Variants in PACRG observed in about 807,000 individuals in gnomAD.
PACRG encodes parkin coregulated.
PACRG carries 29 observed loss-of-function variants against 29.7 expected under a neutral mutation model. The ratio of observed to expected loss-of-function variants is 0.98; its 90% CI spans 0.73 to 1.33. The LOEUF is 1.33. Among genes scored for constraint, PACRG ranks in the 40% most tolerant of loss-of-function variants. The probability of loss-of-function intolerance (pLI) is 0.00; values close to 1 mark genes in which losing one functional copy is unlikely to be tolerated. For synonymous variants in PACRG, 116 were observed against 118.7 expected (o/e 0.98, Z 0.15); for missense variants, 279 against 316.2 (o/e 0.88, Z 0.89).
At chr6:162,957,510 C>T (rs1361400845) in intron 2 of PACRG, 1 of 388,670 alleles carries the variant, frequency 2.6e-6, no homozygotes. Context: ...TTACAAGGGG[C>T]TCGGGACAGC....
chr6:162,997,904 G>A (rs1421950083), intron 2 of PACRG, among the ~76,000 whole-genome samples: 1 of 152,144 alleles, frequency 6.6e-6, no homozygotes, highest in East Asian at 1.9e-4. Context: ...TTTGTAGTCT[G>A]GATGCTAATT....
intron 4 of PACRG, among the ~76,000 whole-genome samples, chr6:163,283,722 A>AC (rs1784297073): frequency 6.6e-6 from 1 of 150,780 alleles, no homozygotes; most frequent in East Asian, 2.0e-4. Flanking sequence ...AATGGCGTGA[A>AC]CCCGGGAAGC....
chr6:163,208,011 G>T (rs1780978970), intron 4 of PACRG, among the ~76,000 whole-genome samples: 1 of 152,202 alleles, frequency 6.6e-6, no homozygotes, highest in South Asian at 2.1e-4. Flanking sequence ...TATGGAAGTG[G>T]CCTGTTTGGG....
At chr6:163,076,670 C>T (rs1459929970) in intron 3 of PACRG, among the ~76,000 whole-genome samples, 1 of 152,182 alleles carries the variant, frequency 6.6e-6, no homozygotes, top group African/African-American at 2.4e-5. Flanking sequence ...CCGATTGTGC[C>T]GTAGAACTTG....
chr6:162,749,126 G>A (rs1187023023), intron 1 of PACRG, among the ~76,000 whole-genome samples: 1 of 152,194 alleles, frequency 6.6e-6, no homozygotes, highest in Non-Finnish European at 1.5e-5. Context: ...TTGCTGGAAA[G>A]GATTCCATTT....
At chr6:162,957,475 CT>C in intron 2 of PACRG, 1 of 456,566 alleles carries the variant, frequency 2.2e-6, no homozygotes. Context: ...TCCACACCTT[CT>C]TGGGATAAAG....
intron 1 of PACRG, among the ~76,000 whole-genome samples, chr6:162,787,586 A>G (rs71546912): frequency 0.18 from 8,630 of 48,344 alleles, 364 homozygotes; most frequent in Non-Finnish European, 0.26. Context: ...GTGTGTGTAT[A>G]TATATATATA....
At chr6:162,955,284 T>C (rs1211569881) in intron 2 of PACRG, among the ~76,000 whole-genome samples, 1 of 151,988 alleles carries the variant, frequency 6.6e-6, no homozygotes, top group Non-Finnish European at 1.5e-5. Context: ...TTTTTGTTGT[T>C]GTTGTTGTTG....
intron 4 of PACRG, among the ~76,000 whole-genome samples, chr6:163,175,935 A>G (rs897123523): frequency 6.6e-6 from 1 of 152,206 alleles, no homozygotes; most frequent in Non-Finnish European, 1.5e-5. Flanking sequence ...TTCCCAATCT[A>G]AAGCACAGTT....
At chr6:162,944,696 A>G (rs1798873464) in intron 2 of PACRG, among the ~76,000 whole-genome samples, 1 of 152,148 alleles carries the variant, frequency 6.6e-6, no homozygotes, top group African/African-American at 2.4e-5. Context: ...TATGTTTGAA[A>G]GCTTTAACAG....
At chr6:163,123,025 T>A (rs2128325708) in intron 4 of PACRG, among the ~76,000 whole-genome samples, 1 of 151,820 alleles carries the variant, frequency 6.6e-6, no homozygotes, top group South Asian at 2.1e-4. Context: ...GAGCGGAGAG[T>A]TTAACAGGCA....
At chr6:162,884,249 A>AT (rs1397353116) in intron 2 of PACRG, among the ~76,000 whole-genome samples, 2 of 151,934 alleles carry the variant, frequency 1.3e-5, no homozygotes, top group Non-Finnish European at 1.5e-5. Context: ...ACTTTTTGTT[A>AT]TTTTTTTCCC....
chr6:162,747,365 CACATACA>C lies in PACRG; in HGVS notation c.156+18975_156+18981del, dbSNP rs1562556521. Among the ~76,000 whole-genome samples, 5 of 44,638 alleles carry C rather than the reference CACATACA, an allele frequency of 1.1e-4. 1 individual carries two copies. Among genetic ancestry groups the C allele is most frequent in the Admixed American group, 3.8e-4 (1 of 2,650 alleles). 29.3% of individuals were successfully genotyped at this position (44,638 alleles called of 152,430 possible). A position where few individuals can be genotyped will look rare whatever the true frequency, so the allele number is the denominator to read the frequency against. Reference sequence around the variant, plus strand: ...ATATATATATATATATATATATATACACATACATATATATGTATATATATGTATATAT... The same window carrying C: ...ATATATATATATATATATATATATACTATATATGTATATATATGTATATAT... On this transcript the variant is annotated intron_variant, in intron 1 of 4. Coordinates refer to ENST00000366888, the MANE Select transcript of PACRG (RefSeq NM_001080379.2).
At chr6:163,116,248 G>A (rs921819884) in intron 4 of PACRG, among the ~76,000 whole-genome samples, 15 of 152,180 alleles carry the variant, frequency 9.9e-5, no homozygotes, top group African/African-American at 3.1e-4. Flanking sequence ...GTCTTACATG[G>A]TTGGAGCAGG....
intron 2 of PACRG, among the ~76,000 whole-genome samples, chr6:162,922,765 T>C (rs1007476271): frequency 3.9e-5 from 6 of 152,222 alleles, no homozygotes; most frequent in Admixed American, 3.9e-4. Context: ...TTTTTATGGC[T>C]GAATAGTATC....
intron 4 of PACRG, among the ~76,000 whole-genome samples, chr6:163,106,910 A>T (rs749675253): frequency 1.3e-5 from 2 of 152,254 alleles, no homozygotes; most frequent in African/African-American, 2.4e-5. Context: ...AGACTTGCTC[A>T]TTAAACTATG....
intron 2 of PACRG, among the ~76,000 whole-genome samples, chr6:162,974,154 G>A (rs996630218): frequency 4.6e-5 from 7 of 151,958 alleles, no homozygotes; most frequent in Admixed American, 1.3e-4. Context: ...GACGGGGCTC[G>A]CTCAAGTATT....
At chr6:163,198,897 T>G (rs1036262498) in intron 4 of PACRG, among the ~76,000 whole-genome samples, 2 of 152,046 alleles carry the variant, frequency 1.3e-5, no homozygotes, top group African/African-American at 4.8e-5. Context: ...ACTGGTTTGG[T>G]CTGAAAAGGC....
chr6:162,827,929 T>C (rs1788424495), intron 2 of PACRG, among the ~76,000 whole-genome samples: 1 of 152,096 alleles, frequency 6.6e-6, no homozygotes, highest in Non-Finnish European at 1.5e-5. Context: ...ACTGGTCTCA[T>C]CACTGAGTAA....
Sources: gnomAD v4.1 joint callset for allele counts (sites outside exome capture counted in the v4.1 genomes callset) on GRCh38, gnomAD v4.1.1 for gene constraint, MANE v1.5 for transcripts, NCBI Gene and HGNC (gene_info 2026-07-23, HGNC 2026-07-21) for gene names.